Variants in CNTNAP2 observed in about 807,000 individuals in gnomAD.
CNTNAP2 encodes contactin associated protein 2.
A neutral mutation model predicts 155.2 loss-of-function variants in CNTNAP2; 98 were observed. The ratio of observed to expected loss-of-function variants is 0.63; its 90% CI spans 0.54 to 0.75. The LOEUF (loss-of-function observed/expected upper bound fraction) is 0.75. Ranked by LOEUF, CNTNAP2 falls within the 30% of genes least tolerant of loss-of-function variation. The probability of loss-of-function intolerance (pLI) is 0.00; values close to 1 mark genes in which losing one functional copy is unlikely to be tolerated. For missense variants in CNTNAP2, 1,727 were observed against 1,688.1 expected (o/e 1.02, Z -0.40); for synonymous variants, 651 against 631.2 (o/e 1.03, Z -0.47).
chr7:148,178,681 G>A (rs1794986235), intron 18 of CNTNAP2, among the ~76,000 whole-genome samples: 1 of 152,130 alleles, frequency 6.6e-6, no homozygotes, highest in African/African-American at 2.4e-5. Flanking sequence ...GTTTGTCACT[G>A]AGCCTTATCT....
In CNTNAP2 at chr7:147,703,957, T is replaced by C. The variant is rs1252881324; in HGVS notation, c.2098+64651T>C. Reference sequence around the variant, plus strand: ...CCCACATATGAGTGAGAACATGCAATATTTGTCTTTCCATGCCTGGCATAT... The same window carrying C: ...CCCACATATGAGTGAGAACATGCAACATTTGTCTTTCCATGCCTGGCATAT... On this transcript the variant is annotated intron_variant, in intron 13 of 23. Transcript: ENST00000361727. Among the ~76,000 whole-genome samples the C allele has an allele frequency of 4.6e-5, 7 of 152,290 alleles. No homozygotes were observed. In the South Asian group the frequency reaches 1.2e-3, roughly 27 times the overall value.
At chr7:147,487,099 C>T (rs1161922067) in intron 11 of CNTNAP2, among the ~76,000 whole-genome samples, 1 of 152,142 alleles carries the variant, frequency 6.6e-6, no homozygotes, top group Non-Finnish European at 1.5e-5. Flanking sequence ...ATACAGCTCT[C>T]TAAGCCTTTC....
intron 1 of CNTNAP2, among the ~76,000 whole-genome samples, chr7:146,411,062 T>G (rs1795857960): frequency 6.6e-6 from 1 of 152,100 alleles, no homozygotes. Flanking sequence ...AAAAATGCAA[T>G]GAACCTGGAA....
intron 1 of CNTNAP2, among the ~76,000 whole-genome samples, chr7:146,150,947 C>G (rs1798027816): frequency 6.6e-6 from 1 of 152,088 alleles, no homozygotes; most frequent in East Asian, 1.9e-4. Context: ...AATTGATACT[C>G]TATTGAGCAT....
intron 13 of CNTNAP2, among the ~76,000 whole-genome samples, chr7:147,863,985 G>T (rs1799181079): frequency 6.6e-6 from 1 of 152,082 alleles, no homozygotes; most frequent in African/African-American, 2.4e-5. Flanking sequence ...TGGTGTTTTA[G>T]ACATGAAGTC....
At chr7:146,508,470 A>G (rs529028654) in intron 1 of CNTNAP2, among the ~76,000 whole-genome samples, 1 of 152,310 alleles carries the variant, frequency 6.6e-6, no homozygotes, top group African/African-American at 2.4e-5. Flanking sequence ...GCCTCTGTCT[A>G]TGTATGCAAC....
intron 17 of CNTNAP2, among the ~76,000 whole-genome samples, chr7:148,154,123 T>A (rs1805357334): frequency 6.6e-6 from 1 of 152,344 alleles, no homozygotes; most frequent in South Asian, 2.1e-4. Context: ...ATCTCTTTTG[T>A]GCAGTCCAAA....
chr7:146,733,720 A>T (rs1482535708), intron 1 of CNTNAP2, among the ~76,000 whole-genome samples: 2 of 152,088 alleles, frequency 1.3e-5, no homozygotes, highest in African/African-American at 4.8e-5. Context: ...AATATAAATG[A>T]GGAAAAGGAA....
intron 1 of CNTNAP2, among the ~76,000 whole-genome samples, chr7:146,383,020 A>G (rs192547527): frequency 3.7e-4 from 57 of 152,286 alleles, no homozygotes; most frequent in Non-Finnish European, 1.2e-4. Flanking sequence ...CAACCTTTTG[A>G]AATACCATTA....
At chr7:147,351,736 C>T (rs1023297993) in intron 9 of CNTNAP2, among the ~76,000 whole-genome samples, 11 of 151,672 alleles carry the variant, frequency 7.3e-5, no homozygotes, top group Non-Finnish European at 1.5e-4. Flanking sequence ...TCCAAGCAAG[C>T]GTCTCAGAGT....
At chr7:146,671,865 A>T (rs1800314170) in intron 1 of CNTNAP2, among the ~76,000 whole-genome samples, 1 of 151,674 alleles carries the variant, frequency 6.6e-6, no homozygotes, top group Non-Finnish European at 1.5e-5. Flanking sequence ...ACCCAGACTG[A>T]AGTGCAATGT....
chr7:148,018,677 G>A (rs183312080), intron 15 of CNTNAP2, among the ~76,000 whole-genome samples: 8 of 152,278 alleles, frequency 5.3e-5, no homozygotes, highest in South Asian at 2.1e-4. Flanking sequence ...GGTCACTCCC[G>A]GATACAGGTA....
Position 147,229,041 on chromosome 7 carries a change from T to TTA in CNTNAP2, c.1349-71085_1349-71084dup, listed in dbSNP as rs977560244. ...ATGGTGTATATGTGCCACATTTTCT[T>TTA]TATATATATATATATAGAGAGAGAG... On this transcript the variant is annotated intron_variant, in intron 8 of 23. Transcript: ENST00000361727. Among the ~76,000 whole-genome samples the TTA allele has an allele frequency of 1.4e-4, 18 of 131,896 alleles. No individual in the cohort carries two copies. In the East Asian group the frequency reaches 3.1e-3, roughly 23 times the overall value. 86.5% of individuals were successfully genotyped at this position (131,896 alleles called of 152,430 possible).
At chr7:147,521,662 G>T (rs1799230830) in intron 11 of CNTNAP2, among the ~76,000 whole-genome samples, 1 of 152,146 alleles carries the variant, frequency 6.6e-6, no homozygotes, top group South Asian at 2.1e-4. Context: ...GTCATTCTCT[G>T]CCTGTCTTCA....
chr7:147,013,872 G>A (rs940196678), intron 3 of CNTNAP2, among the ~76,000 whole-genome samples: 17 of 152,120 alleles, frequency 1.1e-4, no homozygotes, highest in Non-Finnish European at 2.2e-4. Flanking sequence ...ACAGTGCTAA[G>A]AGCCGGGAAC....
At chr7:148,024,157 T>A (rs1171391871) in intron 15 of CNTNAP2, among the ~76,000 whole-genome samples, 139 of 107,554 alleles carry the variant, frequency 1.3e-3, no homozygotes, top group Admixed American at 1.6e-3. Flanking sequence ...CTTTAAAGTG[T>A]AAAAAAAAAA....
chr7:147,155,768 T>A (rs1801912225), intron 8 of CNTNAP2, among the ~76,000 whole-genome samples: 1 of 152,098 alleles, frequency 6.6e-6, no homozygotes, highest in Non-Finnish European at 1.5e-5. Flanking sequence ...ACTAAGCCTA[T>A]GTAGTAGTAG....
In CNTNAP2 at chr7:148,270,403, T is replaced by C. The variant is rs998142983; in HGVS notation, c.3475+3277T>C. 2.6e-5 allele frequency among the ~76,000 whole-genome samples: 4 copies of C among 152,092 alleles called. No individual in the cohort carries two copies. The South Asian group carries it at 8.3e-4, about 32-fold the overall frequency. On this transcript the variant is annotated intron_variant, in intron 21 of 23. Coordinates refer to ENST00000361727, the MANE Select transcript of CNTNAP2 (RefSeq NM_014141.6). ...TGTAAGGAGGTCCACAATTCCAAGA[T>C]GGAAATGGTGTTATGCAGGTGAGAG...
chr7:147,806,867 T>C (rs187737726), intron 13 of CNTNAP2, among the ~76,000 whole-genome samples: 1 of 152,084 alleles, frequency 6.6e-6, no homozygotes, highest in East Asian at 1.9e-4. Context: ...GAAGGAGGAA[T>C]AAAGAGGTGA....
Sources: allele counts gnomAD v4.1 joint callset (sites outside exome capture counted in the v4.1 genomes callset), GRCh38; gene constraint gnomAD v4.1.1; transcripts MANE v1.5; gene names NCBI Gene and HGNC (gene_info 2026-07-23, HGNC 2026-07-21).